TACR1: variants seen among roughly 807,000 people sequenced by gnomAD.
The protein encoded by TACR1 is tachykinin receptor 1, also known as substance-P receptor.
Under a neutral mutation model 35.8 loss-of-function variants are expected in TACR1, and 25 were observed. The observed-to-expected ratio is 0.70, with a 90% CI of 0.51 to 0.98. The LOEUF (loss-of-function observed/expected upper bound fraction) is 0.98. Ranked by LOEUF, TACR1 falls within the 50% of genes least tolerant of loss-of-function variation. The pLI, the probability that TACR1 is intolerant of heterozygous loss-of-function variation, is 0.00. For missense variants in TACR1, 478 were observed against 522.9 expected (o/e 0.91, Z 0.84); for synonymous variants, 195 against 206.7 (o/e 0.94, Z 0.48).
intron 4 of TACR1, among the ~76,000 whole-genome samples, chr2:75,049,970 G>A (rs1275331733): frequency 1.3e-5 from 2 of 152,202 alleles, no homozygotes; most frequent in Admixed American, 1.3e-4. Context: ...CGTCTTTACT[G>A]GGGGTGGCCC....
intron 2 of TACR1, among the ~76,000 whole-genome samples, chr2:75,093,522 A>G (rs1673350324): frequency 6.6e-6 from 1 of 152,176 alleles, no homozygotes; most frequent in South Asian, 2.1e-4. Flanking sequence ...ATGGGTGAGC[A>G]TTGAGGACAA....
chr2:75,170,730 T>C (rs942086233), intron 1 of TACR1, among the ~76,000 whole-genome samples: 7 of 152,154 alleles, frequency 4.6e-5, no homozygotes, highest in Admixed American at 1.3e-4. Context: ...GTGGCTCTTA[T>C]TATGTTTTAG....
At position 75,155,163 on chromosome 2, in the gene TACR1, T is replaced by C. The variant is rs10180431; in HGVS notation, c.390-34395A>G. 4.7e-3 allele frequency among the ~76,000 whole-genome samples: 718 copies of C among 151,336 alleles called. 6 individuals carry two copies. Among genetic ancestry groups the C allele is most frequent in the African/African-American group, 0.017 (680 of 40,618 alleles). On this transcript the variant is annotated intron_variant, in intron 1 of 4. Transcript: ENST00000305249. ...GAGGGACTGTTCCCAAGCCCCAGCATCTTTGCCCCATCCTCAAGCCTTCCA... is the reference window on the plus strand; with the variant it reads ...GAGGGACTGTTCCCAAGCCCCAGCACCTTTGCCCCATCCTCAAGCCTTCCA...
At chr2:75,110,614 A>G (rs892886563) in intron 2 of TACR1, among the ~76,000 whole-genome samples, 8 of 151,968 alleles carry the variant, frequency 5.3e-5, no homozygotes, top group African/African-American at 1.7e-4. Context: ...TGATTATAAT[A>G]TTATGATAAA....
intron 1 of TACR1, among the ~76,000 whole-genome samples, chr2:75,150,056 A>G (rs896419446): frequency 6.6e-6 from 1 of 152,130 alleles, no homozygotes; most frequent in African/African-American, 2.4e-5. Flanking sequence ...ATTGATTTGC[A>G]TATGTTGAAC....
intron 2 of TACR1, among the ~76,000 whole-genome samples, chr2:75,111,007 G>T: frequency 6.6e-6 from 1 of 151,846 alleles, no homozygotes; most frequent in Non-Finnish European, 1.5e-5. Flanking sequence ...TACATTATTT[G>T]GAATATAATT....
chr2:75,113,505 G>A (rs969033609), intron 2 of TACR1, among the ~76,000 whole-genome samples: 4 of 140,124 alleles, frequency 2.9e-5, no homozygotes, highest in Admixed American at 1.4e-4. Flanking sequence ...CTGCAGTAAC[G>A]TTGGCTTTCC....
intron 1 of TACR1, among the ~76,000 whole-genome samples, chr2:75,185,310 T>C (rs1467550105): frequency 6.6e-6 from 1 of 152,010 alleles, no homozygotes; most frequent in Admixed American, 6.5e-5. Flanking sequence ...TTGCCTACTT[T>C]TGAGTTGAGG....
chr2:75,094,951 C>T (rs992472510), intron 2 of TACR1, among the ~76,000 whole-genome samples: 4 of 150,404 alleles, frequency 2.7e-5, no homozygotes, highest in African/African-American at 9.9e-5. Context: ...TCACTCACAG[C>T]AGTAGCCTTT....
chr2:75,158,321 C>T (rs953399850), intron 1 of TACR1, among the ~76,000 whole-genome samples: 13 of 152,216 alleles, frequency 8.5e-5, no homozygotes, highest in African/African-American at 2.9e-4. Context: ...TATTAACTTT[C>T]CCTTGCTCTC....
intron 1 of TACR1, among the ~76,000 whole-genome samples, chr2:75,121,751 G>A (rs577638830): frequency 1.3e-5 from 2 of 152,276 alleles, no homozygotes; most frequent in African/African-American, 4.8e-5. Flanking sequence ...TAAAAGAGAA[G>A]GAATGATATC....
intron 1 of TACR1, among the ~76,000 whole-genome samples, chr2:75,134,521 C>A (rs1046457899): frequency 3.9e-5 from 6 of 152,086 alleles, no homozygotes; most frequent in African/African-American, 1.4e-4. Flanking sequence ...AGGACATTTA[C>A]GCCTGGGCAG....
At chr2:75,109,591 T>G (rs1284911661) in intron 2 of TACR1, among the ~76,000 whole-genome samples, 4 of 152,210 alleles carry the variant, frequency 2.6e-5, no homozygotes, top group African/African-American at 9.6e-5. Flanking sequence ...ATATTTGTTT[T>G]TAAACGAGAT....
intron 1 of TACR1, among the ~76,000 whole-genome samples, chr2:75,155,042 G>T (rs1350640909): frequency 6.6e-6 from 1 of 152,082 alleles, no homozygotes; most frequent in Non-Finnish European, 1.5e-5. Flanking sequence ...CAAATGAAAG[G>T]GCTGCATAAG....
chr2:75,099,956 T>A (rs1362502306), intron 2 of TACR1, among the ~76,000 whole-genome samples: 1 of 152,214 alleles, frequency 6.6e-6, no homozygotes, highest in Non-Finnish European at 1.5e-5. Context: ...CACTGTCTTC[T>A]TCCAGCATTT....
intron 1 of TACR1, chr2:75,187,294 C>A (rs189957731): frequency 7.2e-5 from 11 of 152,336 alleles, no homozygotes; most frequent in African/African-American, 1.9e-4. Context: ...TGCAGTAGCA[C>A]CTCAGGGCAG....
In TACR1 at chr2:75,113,071, T is replaced by A. The variant is rs562474071; in HGVS notation, c.584+7503A>T. Among the ~76,000 whole-genome samples, 15 of 152,234 alleles carry A rather than the reference T, an allele frequency of 9.9e-5. No individual in the cohort carries two copies. In the East Asian group the frequency reaches 2.9e-3, roughly 29 times the overall value. On this transcript the variant is annotated intron_variant, in intron 2 of 4. Coordinates refer to ENST00000305249, the MANE Select transcript of TACR1 (RefSeq NM_001058.4). The stretch of plus-strand genomic sequence containing the variant: ...TGTGCTCTTGAAGAGCTTATAAGAG[T>A]ATTTGAAAGATTTTTCCCTGCACAG...
chr2:75,158,423 T>C (rs938472690), intron 1 of TACR1, among the ~76,000 whole-genome samples: 13 of 152,226 alleles, frequency 8.5e-5, no homozygotes, highest in Admixed American at 2.0e-4. Flanking sequence ...ATAGGACATC[T>C]ATTTTCTAAA....
intron 2 of TACR1, among the ~76,000 whole-genome samples, chr2:75,061,921 TC>T (rs1231761606): frequency 1.3e-5 from 2 of 152,216 alleles, no homozygotes; most frequent in Non-Finnish European, 1.5e-5. Context: ...TGTGTTGTTC[TC>T]CAGGTTACTT....
Sources: allele counts gnomAD v4.1 joint callset (sites outside exome capture counted in the v4.1 genomes callset), GRCh38; gene constraint gnomAD v4.1.1; transcripts MANE v1.5; gene names NCBI Gene and HGNC (gene_info 2026-07-23, HGNC 2026-07-21).